WWTR1: variants seen among roughly 807,000 people sequenced by gnomAD.
WWTR1 encodes the protein WW domain containing transcription regulator 1, also known as WW domain-containing transcription regulator protein 1.
WWTR1 carries 13 observed loss-of-function variants against 40.1 expected under a neutral mutation model. That is an observed-to-expected ratio of 0.32 (90% confidence interval 0.21 to 0.52). WWTR1 has a LOEUF of 0.52. Among genes scored for constraint, WWTR1 ranks in the 20% least tolerant of loss-of-function variants. The pLI is 0.97. For missense variants in WWTR1, 436 were observed against 523.1 expected (o/e 0.83, Z 1.63); for synonymous variants, 230 against 210.1 (o/e 1.09, Z -0.82).
At chr3:149,665,225 TTC>T (rs1560110208) in intron 2 of WWTR1, among the ~76,000 whole-genome samples, 1 of 93,686 alleles carries the variant, frequency 1.1e-5, no homozygotes. Flanking sequence ...TTTCCTTTCT[TTC>T]TTTTTTTTTT....
intron 2 of WWTR1, among the ~76,000 whole-genome samples, chr3:149,596,856 T>G (rs1355838916): frequency 6.6e-6 from 1 of 152,222 alleles, no homozygotes; most frequent in Non-Finnish European, 1.5e-5. Context: ...TGTGTTCCAA[T>G]AGTAGCTCCT....
At position 149,657,326 on chromosome 3, in the gene WWTR1, A is replaced by T. The variant is rs774296442; in HGVS notation, c.-3-17T>A. ...ATTCATCTTCTGCAAAAAGAAGGTC[A>T]GATCAGCCTTTTATTTAAAGTCGGA... is the stretch of plus-strand genomic sequence containing the variant. On this transcript the variant is annotated splice_polypyrimidine_tract_variant and intron_variant, in intron 1 of 6. Coordinates refer to ENST00000360632, the MANE Select transcript of WWTR1 (RefSeq NM_015472.6). 6.3e-7 allele frequency: 1 copy of T among 1,598,828 alleles called. No individual in the cohort carries two copies. The highest frequency in any genetic ancestry group is 1.1e-5 in the South Asian group (1 of 88,606).
intron 1 of WWTR1, among the ~76,000 whole-genome samples, chr3:149,693,566 C>T (rs540406476): frequency 6.6e-6 from 1 of 152,266 alleles, no homozygotes; most frequent in Non-Finnish European, 1.5e-5. Context: ...AATCACATTA[C>T]TTGACTTCAA....
intron 2 of WWTR1, among the ~76,000 whole-genome samples, chr3:149,627,799 G>A (rs190278718): frequency 1.3e-5 from 2 of 152,262 alleles, no homozygotes; most frequent in East Asian, 1.9e-4. Flanking sequence ...TTGGCCGGGC[G>A]CGGTGGCTCA....
At chr3:149,668,212 G>A (rs1266609771) in intron 2 of WWTR1, among the ~76,000 whole-genome samples, 1 of 152,164 alleles carries the variant, frequency 6.6e-6, no homozygotes, top group Non-Finnish European at 1.5e-5. Context: ...ATGACAACTT[G>A]TATCTTTCAG....
intron 3 of WWTR1, among the ~76,000 whole-genome samples, chr3:149,549,773 A>C (rs951285365): frequency 6.6e-6 from 1 of 152,180 alleles, no homozygotes; most frequent in Non-Finnish European, 1.5e-5. Context: ...CAGGAGGAAG[A>C]GACTACAATG....
intron 1 of WWTR1, among the ~76,000 whole-genome samples, chr3:149,680,747 TAGG>T (rs1714434669): frequency 6.6e-6 from 1 of 150,460 alleles, no homozygotes; most frequent in African/African-American, 2.5e-5. Flanking sequence ...GAGGCTGGGG[TAGG>T]AGGATTGCTT....
intron 3 of WWTR1, among the ~76,000 whole-genome samples, chr3:149,559,986 C>A (rs713372): frequency 0.23 from 35,121 of 152,084 alleles, 4,363 homozygotes; most frequent in African/African-American, 0.29. Flanking sequence ...GGACCAGACA[C>A]CCAGAATAGG....
intron 6 of WWTR1, among the ~76,000 whole-genome samples, chr3:149,523,952 T>C (rs1462554879): frequency 6.6e-6 from 1 of 152,258 alleles, no homozygotes; most frequent in Non-Finnish European, 1.5e-5. Context: ...AATGAGCTGA[T>C]TCTCACTTAA....
intron 1 of WWTR1, among the ~76,000 whole-genome samples, chr3:149,681,487 A>G (rs1346275109): frequency 2.6e-5 from 4 of 152,172 alleles, no homozygotes; most frequent in African/African-American, 9.7e-5. Context: ...TTATTTGGAG[A>G]AATGTATATT....
intron 3 of WWTR1, among the ~76,000 whole-genome samples, chr3:149,557,117 C>T (rs1274880484): frequency 7.7e-6 from 1 of 130,692 alleles, no homozygotes; most frequent in African/African-American, 2.9e-5. Flanking sequence ...GTCACCCAGG[C>T]TGGAGTGCAA....
chr3:149,535,776 G>A (rs1735801011), intron 4 of WWTR1, among the ~76,000 whole-genome samples: 1 of 151,678 alleles, frequency 6.6e-6, no homozygotes, highest in East Asian at 1.9e-4. Flanking sequence ...ACTTTGGGAG[G>A]CCAGGGTGGG....
chr3:149,543,373 G>C (rs936593081), intron 3 of WWTR1, among the ~76,000 whole-genome samples: 2 of 151,862 alleles, frequency 1.3e-5, no homozygotes, highest in African/African-American at 4.8e-5. Context: ...ATGAGGTCAG[G>C]AGATCGAGAC....
In WWTR1 at chr3:149,517,381, A is replaced by G. The variant is rs939024913; in HGVS notation, c.*3424T>C. On this transcript the variant is annotated 3_prime_UTR_variant, in exon 7 of 7. Transcript: ENST00000360632. ...TTCTAAACTTAAAATAGAAATTTTT[A>G]TATTACAAAACGTAGAAGTAAAATT... 6.6e-6 allele frequency: 1 copy of G among 152,236 alleles called. No individual in the cohort carries two copies. Among genetic ancestry groups the G allele is most frequent in the Non-Finnish European group, 1.5e-5 (1 of 68,032 alleles). The allele number at this position is 152,236 out of a possible 1,614,324, so 9.4% of individuals were successfully genotyped here.
intron 4 of WWTR1, among the ~76,000 whole-genome samples, chr3:149,721,701 T>A (rs1157872280): frequency 6.6e-6 from 1 of 152,156 alleles, no homozygotes; most frequent in Non-Finnish European, 1.5e-5. Flanking sequence ...ATGTTTGGTA[T>A]AATTCACTGG....
chr3:149,573,234 C>T (rs966717005), intron 2 of WWTR1, among the ~76,000 whole-genome samples: 1 of 152,142 alleles, frequency 6.6e-6, no homozygotes, highest in East Asian at 1.9e-4. Flanking sequence ...CAAGACATCG[C>T]TGTCCAGACA....
At chr3:149,562,050 C>T (rs1412653658) in intron 3 of WWTR1, among the ~76,000 whole-genome samples, 2 of 152,110 alleles carry the variant, frequency 1.3e-5, no homozygotes, top group African/African-American at 4.8e-5. Context: ...AATCCCAACA[C>T]TTTGGGGGCC....
intron 2 of WWTR1, among the ~76,000 whole-genome samples, chr3:149,651,827 TTC>T (rs1712883591): frequency 7.6e-6 from 1 of 131,470 alleles, no homozygotes; most frequent in Non-Finnish European, 1.7e-5. Flanking sequence ...CCTATGGATT[TTC>T]TTTTTTTTTT....
chr3:149,666,172 T>C (rs1393108196), intron 2 of WWTR1, among the ~76,000 whole-genome samples: 3 of 152,056 alleles, frequency 2.0e-5, no homozygotes, highest in Non-Finnish European at 4.4e-5. Context: ...CTTATTTTTC[T>C]TGGTGACAAG....
Sources: allele counts gnomAD v4.1 joint callset (sites outside exome capture counted in the v4.1 genomes callset), GRCh38; gene constraint gnomAD v4.1.1; transcripts MANE v1.5; gene names NCBI Gene and HGNC (gene_info 2026-07-23, HGNC 2026-07-21).